Variants in OTUD7A observed in about 807,000 individuals in gnomAD.
OTUD7A encodes the protein OTU domain-containing protein 7A.
A neutral mutation model predicts 65.7 loss-of-function variants in OTUD7A; 12 were observed. The ratio of observed to expected loss-of-function variants is 0.18; its 90% CI spans 0.12 to 0.30. The LOEUF is 0.30. Ranked by LOEUF, OTUD7A falls within the 10% of genes least tolerant of loss-of-function variation. The probability of loss-of-function intolerance (pLI) is 1.00; values close to 1 mark genes in which losing one functional copy is unlikely to be tolerated. For missense variants in OTUD7A, 1,148 were observed against 1,304.8 expected (o/e 0.88, Z 1.85); for synonymous variants, 641 against 586.3 (o/e 1.09, Z -1.35).
chr15:31,553,148 CACT>C (rs1316503027), intron 5 of OTUD7A, among the ~76,000 whole-genome samples: 3 of 152,128 alleles, frequency 2.0e-5, no homozygotes, highest in Non-Finnish European at 4.4e-5. Flanking sequence ...TATTTGGCAC[CACT>C]GATTGCTCCC....
chr15:31,611,733 G>A lies in OTUD7A; in HGVS notation c.152-41536C>T, dbSNP rs191786822. On this transcript the variant is annotated intron_variant, in intron 3 of 12. Transcript: ENST00000307050. The stretch of plus-strand genomic sequence containing the variant: ...GCAGAATTCTACCAGACAAAGAATT[G>A]GTACCAATTCTTTTGACACTATTCC... Among the ~76,000 whole-genome samples the A allele has an allele frequency of 1.8e-3, 280 of 152,070 alleles. 4 individuals are homozygous for A. The highest frequency in any genetic ancestry group is 0.017 in the Middle Eastern group (5 of 294).
chr15:31,690,962 T>G (rs2141317569), intron 1 of OTUD7A, among the ~76,000 whole-genome samples: 1 of 152,222 alleles, frequency 6.6e-6, no homozygotes, highest in African/African-American at 2.4e-5. Context: ...AAAACTTTTG[T>G]GTACCAAAGG....
intron 5 of OTUD7A, among the ~76,000 whole-genome samples, chr15:31,550,117 A>G (rs1011143104): frequency 6.6e-6 from 1 of 151,386 alleles, no homozygotes; most frequent in Admixed American, 6.6e-5. Flanking sequence ...AAAAAAAAAA[A>G]AAGAATGTGC....
intron 1 of OTUD7A, among the ~76,000 whole-genome samples, chr15:31,675,197 A>G (rs1364106220): frequency 6.6e-6 from 1 of 152,190 alleles, no homozygotes; most frequent in African/African-American, 2.4e-5. Flanking sequence ...AAAAAGACAT[A>G]AAGAGACAAA....
chr15:31,504,027 C>T (rs1486336358), intron 8 of OTUD7A, among the ~76,000 whole-genome samples: 2 of 152,224 alleles, frequency 1.3e-5, no homozygotes, highest in African/African-American at 2.4e-5. Flanking sequence ...ACCGTGGGAG[C>T]GGTCTCAGAA....
rs986876631 is a variant in OTUD7A at position 31,531,286 on chromosome 15, G to A, written c.551-478C>T. ...TTTACATTTAGAGACTTCCACTTCA[G>A]GGAAGATAGATCAGATGTACTTTTT... On this transcript the variant is annotated intron_variant, in intron 5 of 12. Coordinates refer to ENST00000307050, the MANE Select transcript of OTUD7A (RefSeq NM_001382637.1). 5.9e-5 allele frequency among the ~76,000 whole-genome samples: 9 copies of A among 151,998 alleles called. No individual in the cohort carries two copies. The East Asian group carries it at 1.5e-3, about 26-fold the overall frequency.
At position 31,478,572 on chromosome 15, in the gene OTUD7A, T is replaced by G. The variant is rs113348766; in HGVS notation, c.*4722A>C. 7.3e-3 allele frequency: 1,109 copies of G among 152,356 alleles called. 5 individuals are homozygous for G. The highest frequency in any genetic ancestry group is 0.014 in the Middle Eastern group (4 of 294). The allele number at this position is 152,356 out of a possible 1,614,324, so 9.4% of individuals were successfully genotyped here. Reference sequence around the variant, plus strand: ...TTCAGTGCTACTCTGCAACTACGTGTGTCTTCGGCTCAGCCTGGTGGGGCC... The same window carrying G: ...TTCAGTGCTACTCTGCAACTACGTGGGTCTTCGGCTCAGCCTGGTGGGGCC... On this transcript the variant is annotated 3_prime_UTR_variant, in exon 13 of 13. Transcript: ENST00000307050.
At chr15:31,578,272 C>G (rs1889266512) in intron 3 of OTUD7A, among the ~76,000 whole-genome samples, 1 of 152,188 alleles carries the variant, frequency 6.6e-6, no homozygotes, top group Admixed American at 6.5e-5. Flanking sequence ...CATTTAAAAG[C>G]TGACCAGCAT....
At chr15:31,488,158 G>T (rs1172077841) in intron 10 of OTUD7A, among the ~76,000 whole-genome samples, 2 of 152,202 alleles carry the variant, frequency 1.3e-5, no homozygotes, top group Non-Finnish European at 2.9e-5. Flanking sequence ...CCCTGGAAGG[G>T]TAAACACCAG....
intron 3 of OTUD7A, among the ~76,000 whole-genome samples, chr15:31,647,768 T>C (rs1457923290): frequency 1.3e-5 from 2 of 152,070 alleles, no homozygotes; most frequent in African/African-American, 4.8e-5. Context: ...GAGGGACTCA[T>C]ACGTGCTGGG....
At chr15:31,842,020 G>A (rs1264408644) in intron 1 of OTUD7A, among the ~76,000 whole-genome samples, 1 of 152,204 alleles carries the variant, frequency 6.6e-6, no homozygotes, top group Non-Finnish European at 1.5e-5. Context: ...CCACCTGCAT[G>A]CCCATCAACA....
intron 9 of OTUD7A, among the ~76,000 whole-genome samples, chr15:31,502,359 A>G (rs2041481716): frequency 6.6e-6 from 1 of 152,150 alleles, no homozygotes; most frequent in Admixed American, 6.5e-5. Context: ...TCATTTTCTT[A>G]CTTGTAAAAA....
chr15:31,558,921 C>G, intron 5 of OTUD7A, 48 bp downstream of exon 5: 1 of 1,589,962 alleles, frequency 6.3e-7, no homozygotes, highest in African/African-American at 1.3e-5. Flanking sequence ...GCCAGCTCAC[C>G]ATTCACCAAG....
Position 31,837,689 on chromosome 15 carries a change from T to C in OTUD7A, c.-100+32818A>G, listed in dbSNP as rs563632209. Among the ~76,000 whole-genome samples, 4 of 152,340 alleles carry C rather than the reference T, an allele frequency of 2.6e-5. No individual in the cohort carries two copies. In the East Asian group the frequency reaches 7.7e-4, roughly 29 times the overall value. ...GGAGAAACATACCATATTCATAGAT[T>C]AGATGACTCAACATAATAAAGATGT... On this transcript the variant is annotated intron_variant, in intron 1 of 12. Transcript: ENST00000307050.
intron 1 of OTUD7A, among the ~76,000 whole-genome samples, chr15:31,870,005 G>C (rs1210314804): frequency 1.3e-5 from 2 of 151,504 alleles, no homozygotes; most frequent in Non-Finnish European, 2.9e-5. Flanking sequence ...GCCGGGCCGC[G>C]GGGACCCACG....
rs190836991 is a variant in OTUD7A, at chr15:31,511,022, T to C, written c.894-7204A>G. The stretch of plus-strand genomic sequence containing the variant: ...TGTATATCTATATGTAACATACATG[T>C]ATATCTATATGTAACATACATGTAT... On this transcript the variant is annotated intron_variant, in intron 8 of 12. Transcript: ENST00000307050. Among the ~76,000 whole-genome samples the C allele has an allele frequency of 5.8e-4, 31 of 53,680 alleles. 13 individuals carry two copies. The East Asian group carries it at 0.019, about 32-fold the overall frequency. 35.2% of individuals were successfully genotyped at this position (53,680 alleles called of 152,430 possible).
chr15:31,716,844 G>A (rs1236852314), intron 1 of OTUD7A, among the ~76,000 whole-genome samples: 5 of 152,316 alleles, frequency 3.3e-5, no homozygotes, highest in Admixed American at 1.3e-4. Flanking sequence ...GGCCTTCACC[G>A]TGGGGATGAG....
intron 1 of OTUD7A, among the ~76,000 whole-genome samples, chr15:31,807,150 G>T (rs2221329): frequency 0.94 from 142,506 of 152,228 alleles, 67,416 homozygotes; most frequent in East Asian, 1. Flanking sequence ...ATGGCCTCAT[G>T]GAATCCCCTT....
chr15:31,531,802 C>G (rs867657721), intron 5 of OTUD7A, among the ~76,000 whole-genome samples: 2 of 152,304 alleles, frequency 1.3e-5, no homozygotes, highest in Middle Eastern at 3.4e-3. Context: ...AAGCCAAGAC[C>G]TCAACCCCAC....
Sources: gnomAD v4.1 joint callset for allele counts (sites outside exome capture counted in the v4.1 genomes callset) on GRCh38, gnomAD v4.1.1 for gene constraint, MANE v1.5 for transcripts, NCBI Gene and HGNC (gene_info 2026-07-23, HGNC 2026-07-21) for gene names.